Variants in MAX observed in about 807,000 individuals in gnomAD.
The protein encoded by MAX is protein max.
MAX carries 3 observed loss-of-function variants against 22.3 expected under a neutral mutation model. The observed-to-expected ratio is 0.13, with a 90% CI of 0.06 to 0.35. The LOEUF (loss-of-function observed/expected upper bound fraction) is 0.35, where lower values mean the gene tolerates loss of function less well. Among genes scored for constraint, MAX ranks in the 10% least tolerant of loss-of-function variants. MAX has a pLI of 1.00. For synonymous variants in MAX, 72 were observed against 77.7 expected, an observed-to-expected ratio of 0.93 and a Z score of 0.39; for missense variants, 119 against 209.4, an observed-to-expected ratio of 0.57 and a Z score of 2.66.
At chr14:65,060,125 G>A (rs961659031) in intron 3 of MAX, among the ~76,000 whole-genome samples, 14 of 151,462 alleles carry the variant, frequency 9.2e-5, no homozygotes, top group Non-Finnish European at 1.8e-4. Flanking sequence ...GAGCCACCGC[G>A]TCCGGCCCCC....
At chr14:65,051,746 A>G (rs1263325062) in intron 3 of MAX, among the ~76,000 whole-genome samples, 1 of 152,026 alleles carries the variant, frequency 6.6e-6, no homozygotes, top group Non-Finnish European at 1.5e-5. Context: ...ATTTTCTCCA[A>G]AATGGGAAAG....
chr14:65,075,205 T>C lies in MAX; in HGVS notation c.*1271A>G. The C allele has an allele frequency of 3.8e-6, 4 of 1,047,928 alleles. No homozygotes were observed. The highest frequency in any genetic ancestry group is 4.6e-6 in the Non-Finnish European group (4 of 868,360). 64.9% of individuals were successfully genotyped at this position (1,047,928 alleles called of 1,614,324 possible). On this transcript the variant is annotated 3_prime_UTR_variant, in exon 5 of 5. Coordinates refer to ENST00000358664, the MANE Select transcript of MAX (RefSeq NM_002382.5). The surrounding 1 kb of genome is among the most constrained non-coding windows in gnomAD (Gnocchi z 4.1). The stretch of plus-strand genomic sequence containing the variant: ...CTTGCAAGACAATTCTTCGGCAGTA[T>C]GTACAACATACTTTTTATTTCCATG...
intron 3 of MAX, chr14:65,040,748 A>G: frequency 6.2e-7 from 1 of 1,600,818 alleles, no homozygotes; most frequent in Non-Finnish European, 8.5e-7. Context: ...GTGTACGTCC[A>G]CTCACTGGCC....
chr14:65,052,554 C>T (rs1307448570), intron 3 of MAX, among the ~76,000 whole-genome samples: 1 of 152,176 alleles, frequency 6.6e-6, no homozygotes, highest in Non-Finnish European at 1.5e-5. Context: ...AACTGTGTGG[C>T]CCACAGAATT....
chr14:65,029,319 A>C lies in MAX; in HGVS notation c.172-23035T>G, dbSNP rs1473394282. On this transcript the variant is annotated intron_variant, in intron 3 of 3. Coordinates refer to the MAX transcript ENST00000341653. This position sits in a 1 kb window ranked among gnomAD's most constrained non-coding sequence, Gnocchi z 4.7. ...TGTCCTTTGCCTGGAAGCATCAGCC[A>C]GTCCTCAGGAGTGCTTGTTTGGGTG... Among the ~76,000 whole-genome samples the C allele has an allele frequency of 1.3e-5, 2 of 152,220 alleles. No homozygotes were observed. Among genetic ancestry groups the C allele is most frequent in the Admixed American group, 6.5e-5 (1 of 15,278 alleles).
At position 65,044,558 on chromosome 14, in the gene MAX, A is replaced by C; in HGVS notation, c.172-38274T>G. On this transcript the variant is annotated intron_variant, in intron 3 of 3. Transcript: ENST00000341653. The surrounding 1 kb of genome is among the most constrained non-coding windows in gnomAD (Gnocchi z 5.5). ...TTGAAATGAGCTCTGTCTATCCTGGATTTTGAGTGCCCAGTGTGGAACCTC... is the reference window on the plus strand; with the variant it reads ...TTGAAATGAGCTCTGTCTATCCTGGCTTTTGAGTGCCCAGTGTGGAACCTC... 1 of 1,451,556 alleles carries C rather than the reference A, an allele frequency of 6.9e-7. No homozygotes were observed. Among genetic ancestry groups the C allele is most frequent in the Non-Finnish European group, 9.1e-7 (1 of 1,096,324 alleles). The allele number at this position is 1,451,556 out of a possible 1,614,324, so 89.9% of individuals were successfully genotyped here.
chr14:65,006,193 A>G (rs773502372), exon 4 of MAX: 3 of 1,609,194 alleles, frequency 1.9e-6, no homozygotes, highest in Non-Finnish European at 8.5e-7. Context: ...TCCTTAAGAA[A>G]CTTTTTCTGA....
In MAX at chr14:65,077,418, C is replaced by T. The variant is rs1371999694; in HGVS notation, c.295+495G>A. On this transcript the variant is annotated intron_variant, in intron 4 of 4. Transcript: ENST00000358664. This position sits in a 1 kb window ranked among gnomAD's most constrained non-coding sequence, Gnocchi z 6.3. ...CCAGGAACAAAGAACTTGATCAGCT[C>T]TCGCTTTCCCCTGTGGTTGTAGGAA... 1 of 1,611,740 alleles carries T rather than the reference C, an allele frequency of 6.2e-7. No individual in the cohort carries two copies. The highest frequency in any genetic ancestry group is 8.5e-7 in the Non-Finnish European group (1 of 1,177,796).
chr14:65,057,972 T>A (rs2062776879), intron 3 of MAX, among the ~76,000 whole-genome samples: 1 of 152,238 alleles, frequency 6.6e-6, no homozygotes, highest in Non-Finnish European at 1.5e-5. Flanking sequence ...CCTGTCTGCC[T>A]TGTTGTTTTT....
chr14:65,101,460 A>G, intron 2 of MAX, 86 bp downstream of exon 2: 1 of 1,199,970 alleles, frequency 8.3e-7, no homozygotes, highest in Non-Finnish European at 1.2e-6. Flanking sequence ...TATTAAAAGT[A>G]ATAGTACGAT....
At chr14:65,098,944 A>G (rs1403589979) in intron 2 of MAX, among the ~76,000 whole-genome samples, 2 of 152,222 alleles carry the variant, frequency 1.3e-5, no homozygotes, top group Non-Finnish European at 2.9e-5. Context: ...TTTTTATATT[A>G]GGATCCACAG....
At chr14:65,074,682 T>C (rs1250800535), downstream of MAX, among the ~76,000 whole-genome samples, 2 of 152,266 alleles carry the variant, frequency 1.3e-5, no homozygotes, top group Admixed American at 1.3e-4. Context: ...GGAGCCTTCT[T>C]GACTTCCAGT....
intron 2 of MAX, among the ~76,000 whole-genome samples, chr14:65,100,665 C>A (rs1431999962): frequency 6.6e-6 from 1 of 152,090 alleles, no homozygotes; most frequent in Non-Finnish European, 1.5e-5. Context: ...TTACTGCTCC[C>A]AACTATCAAA....
Position 65,076,049 on chromosome 14 carries a change from C to G in MAX, c.*427G>C. 1 of 1,165,462 alleles carries G rather than the reference C, an allele frequency of 8.6e-7. No individual in the cohort carries two copies. Among genetic ancestry groups the G allele is most frequent in the Non-Finnish European group, 1.1e-6 (1 of 942,010 alleles). The allele number at this position is 1,165,462 out of a possible 1,614,324, so 72.2% of individuals were successfully genotyped here. On this transcript the variant is annotated 3_prime_UTR_variant, in exon 5 of 5. Coordinates refer to ENST00000358664, the MANE Select transcript of MAX (RefSeq NM_002382.5). The surrounding 1 kb of genome is among the most constrained non-coding windows in gnomAD (Gnocchi z 6.6). The stretch of plus-strand genomic sequence containing the variant: ...CTCAAAGTAGAGCAGTTCAGATTCA[C>G]AAAGTCTATCAGAGGTGAGGGCGGG...
At chr14:65,052,022 C>T (rs1225554544) in intron 3 of MAX, among the ~76,000 whole-genome samples, 2 of 152,064 alleles carry the variant, frequency 1.3e-5, no homozygotes, top group East Asian at 3.9e-4. Context: ...GTCTCGATCT[C>T]CTGACCTCGT....
chr14:65,053,127 A>G, intron 3 of MAX: 1 of 755,836 alleles, frequency 1.3e-6, no homozygotes, highest in Non-Finnish European at 1.8e-6. Flanking sequence ...TGAATGGAAG[A>G]GGAAGGGGAG....
At chr14:65,043,667 A>G (rs1264095826) in intron 3 of MAX, among the ~76,000 whole-genome samples, 1 of 151,152 alleles carries the variant, frequency 6.6e-6, no homozygotes, top group Non-Finnish European at 1.5e-5. Context: ...CTAAAAATAC[A>G]AAAAATTAGC....
chr14:65,102,328 G>C lies in MAX; in HGVS notation c.12C>G (p.Asn4Lys). 2 of 1,613,846 alleles carry C rather than the reference G, an allele frequency of 1.2e-6. No homozygotes were observed. Among genetic ancestry groups the C allele is most frequent in the Non-Finnish European group, 1.7e-6 (2 of 1,179,802 alleles). The change falls in exon 1 of 5, where the codon AAC becomes AAG. Residue 4 changes from asparagine (N) to lysine (K), a missense_variant. Coordinates refer to ENST00000358664, the MANE Select transcript of MAX (RefSeq NM_002382.5). ...CGTCGCTCTCCACCTCGATGTCATC[G>C]TTATCGCTCATTTCCTACGGCCCAG... MSD[N>K]DDIEVESDEE...
chr14:65,025,918 G>T (rs961313387), intron 3 of MAX, among the ~76,000 whole-genome samples: 2 of 152,222 alleles, frequency 1.3e-5, no homozygotes, highest in African/African-American at 2.4e-5. Flanking sequence ...AGAAGTATGT[G>T]TTGTTTTAAC....
Sources: allele counts gnomAD v4.1 joint callset (sites outside exome capture counted in the v4.1 genomes callset), GRCh38; gene constraint gnomAD v4.1.1; non-coding constraint Gnocchi (gnomAD v3.1); transcripts MANE v1.5; gene names NCBI Gene and HGNC (gene_info 2026-07-23, HGNC 2026-07-21).